Variants in MATCAP1 observed in about 807,000 individuals in gnomAD.
MATCAP1 encodes the protein microtubule-associated tyrosine carboxypeptidase 1.
the MATCAP1 span, chr16:67,180,453 A>C: frequency 1.9e-6 from 3 of 1,607,750 alleles, no homozygotes; most frequent in African/African-American, 4.0e-5. Context: ...CGCTGGGGGG[A>C]CTGCCAGAGC....
the MATCAP1 span, chr16:67,178,682 C>G: frequency 1.7e-5 from 12 of 715,152 alleles, no homozygotes; most frequent in Non-Finnish European, 2.5e-5. Flanking sequence ...GAAGCTCCTC[C>G]TCCTGTGGAC....
chr16:67,182,017 G>T, the MATCAP1 span, among the ~76,000 whole-genome samples: 1 of 152,244 alleles, frequency 6.6e-6, no homozygotes, highest in African/African-American at 2.4e-5. Flanking sequence ...TTGGGAGGCC[G>T]AGGCGGGCGG....
At chr16:67,179,355 C>T in the MATCAP1 span, 1 of 1,526,648 alleles carries the variant, frequency 6.6e-7, no homozygotes, top group Non-Finnish European at 8.8e-7. This position sits in a 1 kb window ranked among gnomAD's most constrained non-coding sequence, Gnocchi z 5.2. Context: ...GTTATTGGGG[C>T]CCCTCCTTCC....
chr16:67,180,783 C>G, the MATCAP1 span: 10 of 437,142 alleles, frequency 2.3e-5, 1 homozygote, highest in Admixed American at 4.0e-4. Context: ...GCTCTGCTAC[C>G]AGGGGTCTGA....
chr16:67,182,080 GTC>G, the MATCAP1 span, among the ~76,000 whole-genome samples: 1 of 152,038 alleles, frequency 6.6e-6, no homozygotes, highest in Non-Finnish European at 1.5e-5. Flanking sequence ...GAGAAACCCC[GTC>G]TCTACTAAAA....
the MATCAP1 span, chr16:67,178,896 C>T: frequency 2.2e-6 from 1 of 446,058 alleles, no homozygotes; most frequent in South Asian, 1.9e-5. Context: ...TGCTGATGCC[C>T]CCGGTAAAAA....
the MATCAP1 span, chr16:67,177,951 G>A: frequency 6.8e-7 from 1 of 1,478,500 alleles, no homozygotes; most frequent in Non-Finnish European, 9.4e-7. Flanking sequence ...CGAGGCTCAG[G>A]GAATTCTACA....
chr16:67,181,068 G>C, the MATCAP1 span, among the ~76,000 whole-genome samples: 15 of 152,294 alleles, frequency 9.8e-5, no homozygotes, highest in African/African-American at 3.6e-4. Context: ...GGTGGTTACT[G>C]GAATCCTCTC....
the MATCAP1 span, chr16:67,178,791 T>C: frequency 3.1e-6 from 2 of 649,642 alleles, no homozygotes; most frequent in African/African-American, 4.1e-5. Flanking sequence ...GCACGAACTC[T>C]CCCAAACTGA....
chr16:67,179,695 C>A, the MATCAP1 span: 1 of 1,509,790 alleles, frequency 6.6e-7, no homozygotes, highest in Non-Finnish European at 9.1e-7. This position sits in a 1 kb window ranked among gnomAD's most constrained non-coding sequence, Gnocchi z 5.2. Flanking sequence ...TGCTCAGAAC[C>A]AGCTCCCACC....
chr16:67,183,016 T>A, the MATCAP1 span, among the ~76,000 whole-genome samples: 3 of 152,330 alleles, frequency 2.0e-5, no homozygotes, highest in East Asian at 5.8e-4. Flanking sequence ...AATAAATAAA[T>A]GAATCCAAGA....
At chr16:67,178,998 G>T in the MATCAP1 span, 1 of 655,660 alleles carries the variant, frequency 1.5e-6, no homozygotes, top group Non-Finnish European at 2.2e-6. Context: ...GCCCAAACTG[G>T]CCAGTCCCCT....
the MATCAP1 span, chr16:67,178,733 T>A: frequency 1.4e-6 from 1 of 697,110 alleles, no homozygotes; most frequent in Non-Finnish European, 2.6e-6. Flanking sequence ...ACATGAATCC[T>A]CTCCCACCCA....
the MATCAP1 span, chr16:67,179,724 G>C: frequency 1.9e-6 from 3 of 1,560,018 alleles, no homozygotes; most frequent in Non-Finnish European, 2.6e-6. The surrounding 1 kb of genome is among the most constrained non-coding windows in gnomAD (Gnocchi z 5.2). Context: ...GCAGGGGCAG[G>C]GGTGGGTCAG....
At chr16:67,178,288 T>TG in the MATCAP1 span, 1 of 1,578,122 alleles carries the variant, frequency 6.3e-7, no homozygotes, top group Non-Finnish European at 8.6e-7. Flanking sequence ...CTCCAGGTCC[T>TG]GGAAGAGCTG....
the MATCAP1 span, chr16:67,178,772 C>T: frequency 4.4e-6 from 3 of 684,466 alleles, no homozygotes; most frequent in Admixed American, 6.1e-5. Flanking sequence ...CCCACGCACC[C>T]ACACACGTGC....
the MATCAP1 span, among the ~76,000 whole-genome samples, chr16:67,182,235 G>A: frequency 7.2e-6 from 1 of 139,454 alleles, no homozygotes; most frequent in Non-Finnish European, 1.5e-5. Context: ...GGCAACAACA[G>A]CGAAACTCCA....
chr16:67,178,892 T>G, the MATCAP1 span: 1 of 451,108 alleles, frequency 2.2e-6, no homozygotes, highest in Non-Finnish European at 4.2e-6. Context: ...GTCATGCTGA[T>G]GCCCCCGGTA....
chr16:67,180,629 T>A, the MATCAP1 span: 1 of 1,492,282 alleles, frequency 6.7e-7, no homozygotes, highest in Non-Finnish European at 9.0e-7. Flanking sequence ...GGGGGTCACA[T>A]CCAGCCGGGT....
Sources: allele counts gnomAD v4.1 joint callset (sites outside exome capture counted in the v4.1 genomes callset), GRCh38; gene constraint gnomAD v4.1.1; non-coding constraint Gnocchi (gnomAD v3.1); transcripts MANE v1.5; gene names NCBI Gene and HGNC (gene_info 2026-07-23, HGNC 2026-07-21).